AGK: variants seen among roughly 807,000 people sequenced by gnomAD.
AGK encodes the protein acylglycerol kinase, mitochondrial.
A neutral mutation model predicts 66.4 loss-of-function variants in AGK; 52 were observed. That is an observed-to-expected ratio of 0.78 (90% CI 0.63 to 0.99). AGK has a LOEUF of 0.99. AGK is among the 50% of genes least tolerant of loss of function. AGK has a pLI of 0.00. For synonymous variants in AGK, 182 were observed against 181.1 expected (o/e 1.00, Z -0.04); for missense variants, 451 against 506.6 (o/e 0.89, Z 1.05).
chr7:141,650,009 CAGGGCATCTG>C (rs1160452300), intron 14 of AGK, among the ~76,000 whole-genome samples: 1 of 152,254 alleles, frequency 6.6e-6, no homozygotes, highest in Non-Finnish European at 1.5e-5. Context: ...AATCCTCCTT[CAGGGCATCTG>C]AGGAGCTGGT....
intron 10 of AGK, among the ~76,000 whole-genome samples, chr7:141,634,695 G>C (rs921929350): frequency 5.9e-5 from 9 of 152,234 alleles, no homozygotes; most frequent in South Asian, 2.1e-4. Flanking sequence ...CTTCATACCT[G>C]GTGGTGGTAT....
intron 11 of AGK, among the ~76,000 whole-genome samples, chr7:141,639,097 G>A (rs959897642): frequency 1.3e-5 from 2 of 152,090 alleles, no homozygotes; most frequent in African/African-American, 4.8e-5. Context: ...AGAATTTCAA[G>A]AAAAAAGTAA....
At chr7:141,567,747 G>C (rs1387951782) in intron 2 of AGK, among the ~76,000 whole-genome samples, 1 of 152,226 alleles carries the variant, frequency 6.6e-6, no homozygotes, top group Non-Finnish European at 1.5e-5. Flanking sequence ...CAGTTTACCT[G>C]CAATAGTCTG....
chr7:141,599,577 A>G (rs1796299250), intron 4 of AGK, among the ~76,000 whole-genome samples: 1 of 152,178 alleles, frequency 6.6e-6, no homozygotes, highest in African/African-American at 2.4e-5. Context: ...AGGAGGTTAC[A>G]GATTTGTTGT....
chr7:141,589,749 G>A (rs570012514), intron 2 of AGK, among the ~76,000 whole-genome samples: 234 of 152,092 alleles, frequency 1.5e-3, no homozygotes, highest in African/African-American at 5.4e-3. Flanking sequence ...TAGTAGAGAC[G>A]GGGTTTCACC....
intron 15 of AGK, 157 bp from the exon 16 acceptor site, chr7:141,652,630 A>G: frequency 3.1e-6 from 2 of 641,684 alleles, no homozygotes; most frequent in East Asian, 2.6e-5. Context: ...CCATCGTAGT[A>G]GGCACTGAAT....
In AGK at chr7:141,651,579, A is replaced by G; in HGVS notation, c.1101A>G (p.Gln367=). 1.9e-6 allele frequency: 3 copies of G among 1,614,256 alleles called. No individual in the cohort carries two copies. The highest frequency in any genetic ancestry group is 1.3e-5 in the African/African-American group (1 of 75,078). The stretch of plus-strand genomic sequence containing the variant: ...ACGTGGAGGGCACGGAGTGTCTCCA[A>G]GCCAGCCAGTGCACTTTGCTTATCC... The part of the protein sequence containing the change: ...KLHVEGTECL[Q]ASQCTLLIPE... The change falls in exon 15 of 16, where the codon CAA becomes CAG. Residue 367 remains glutamine, a synonymous_variant. Coordinates refer to ENST00000649286, the MANE Select transcript of AGK (RefSeq NM_018238.4).
At chr7:141,616,999 C>T (rs143565433) in intron 8 of AGK, among the ~76,000 whole-genome samples, 2,083 of 152,084 alleles carry the variant, frequency 0.014, 62 homozygotes, top group African/African-American at 0.046. Context: ...CCTCGTGATC[C>T]GCCCGCCTCG....
intron 1 of AGK, among the ~76,000 whole-genome samples, chr7:141,553,958 G>A (rs1360610861): frequency 6.6e-6 from 1 of 151,764 alleles, no homozygotes; most frequent in Non-Finnish European, 1.5e-5. Flanking sequence ...TAGAAAATAA[G>A]TTCATTTTCA....
intron 9 of AGK, among the ~76,000 whole-genome samples, chr7:141,627,604 C>A (rs1796967590): frequency 6.6e-6 from 1 of 152,120 alleles, no homozygotes; most frequent in Non-Finnish European, 1.5e-5. Flanking sequence ...TTCACCATGA[C>A]CTCACTGATC....
chr7:141,554,077 C>T lies in AGK; in HGVS notation c.-14-1376C>T, dbSNP rs184799573. ...TTTTTGAGCCAGGTGCAGTGGCTCACGTCTGTAATCCCAGCAATTTGGATG... is the reference window on the plus strand; with the variant it reads ...TTTTTGAGCCAGGTGCAGTGGCTCATGTCTGTAATCCCAGCAATTTGGATG... On this transcript the variant is annotated intron_variant, in intron 1 of 15. Coordinates refer to ENST00000649286, the MANE Select transcript of AGK (RefSeq NM_018238.4). Among the ~76,000 whole-genome samples, 6 of 152,212 alleles carry T rather than the reference C, an allele frequency of 3.9e-5. No homozygotes were observed. The East Asian group carries it at 5.8e-4, about 15-fold the overall frequency.
chr7:141,648,210 TAAACTC>T (rs1420583576), intron 13 of AGK, among the ~76,000 whole-genome samples: 2 of 152,246 alleles, frequency 1.3e-5, no homozygotes, highest in Admixed American at 6.5e-5. Flanking sequence ...TATTTTCTAA[TAAACTC>T]TAATATAGTT....
At position 141,615,736 on chromosome 7, in the gene AGK, T is replaced by C. The variant is rs566028287; in HGVS notation, c.518+171T>C. 4.9e-6 allele frequency: 3 copies of C among 610,540 alleles called. No individual in the cohort carries two copies. In the African/African-American group the frequency reaches 5.6e-5, roughly 11 times the overall value. The allele number at this position is 610,540 out of a possible 1,614,324, so 37.8% of individuals were successfully genotyped here. A position where few individuals can be genotyped will look rare whatever the true frequency, so the allele number is the denominator to read the frequency against. Reference sequence around the variant, plus strand: ...TCAGTTCATTGGGAAGTCTCCCAACTTGGTTGTGGGACTCTTATAATAAGT... The same window carrying C: ...TCAGTTCATTGGGAAGTCTCCCAACCTGGTTGTGGGACTCTTATAATAAGT... On this transcript the variant is annotated intron_variant, in intron 8 of 15. Transcript: ENST00000649286.
intron 2 of AGK, among the ~76,000 whole-genome samples, chr7:141,558,338 G>A (rs1270234857): frequency 6.7e-6 from 1 of 149,260 alleles, no homozygotes; most frequent in African/African-American, 2.5e-5. Flanking sequence ...TCCATTTTTA[G>A]TAGAGATGGT....
chr7:141,632,238 A>AC (rs1274773392), intron 9 of AGK, among the ~76,000 whole-genome samples: 3 of 150,866 alleles, frequency 2.0e-5, no homozygotes, highest in Admixed American at 6.6e-5. Flanking sequence ...TCTAAAAAAA[A>AC]AAAAAACAAA....
At chr7:141,599,587 T>G (rs1796299421) in intron 4 of AGK, among the ~76,000 whole-genome samples, 1 of 152,188 alleles carries the variant, frequency 6.6e-6, no homozygotes, top group South Asian at 2.1e-4. Flanking sequence ...AGATTTGTTG[T>G]GATTGATATG....
chr7:141,627,085 C>A (rs761934374), intron 9 of AGK, among the ~76,000 whole-genome samples: 2 of 152,134 alleles, frequency 1.3e-5, no homozygotes, highest in Non-Finnish European at 2.9e-5. Context: ...TGGGTGAAAG[C>A]TATAAATGGT....
Position 141,633,950 on chromosome 7 carries a change from C to T in AGK, c.638C>T (p.Ser213Phe), listed in dbSNP as rs995345875. Reference sequence around the variant, plus strand: ...GCAATGACCGGCCTTCGATGGGGATCTTTCAGAGATGCTGGCGTCAAAGTT... The same window carrying T: ...GCAATGACCGGCCTTCGATGGGGATTTTTCAGAGATGCTGGCGTCAAAGTT... ...VFAMTGLRWG[S>F]FRDAGVKVSK... The change falls in exon 10 of 16, where the codon TCT becomes TTT. Residue 213 changes from serine to phenylalanine, a missense_variant. Coordinates refer to ENST00000649286, the MANE Select transcript of AGK (RefSeq NM_018238.4). The T allele has an allele frequency of 3.7e-6, 6 of 1,613,882 alleles. No individual in the cohort carries two copies. The highest frequency in any genetic ancestry group is 5.1e-6 in the Non-Finnish European group (6 of 1,179,908).
At chr7:141,641,431 C>T (rs771563602) in intron 12 of AGK, 33 bp downstream of exon 12, 4 of 1,597,002 alleles carry the variant, frequency 2.5e-6, no homozygotes, top group Non-Finnish European at 3.4e-6. Context: ...ATTGGAGGGC[C>T]CTGGTCAGTT....
Sources: allele counts gnomAD v4.1 joint callset (sites outside exome capture counted in the v4.1 genomes callset), GRCh38; gene constraint gnomAD v4.1.1; transcripts MANE v1.5; gene names NCBI Gene and HGNC (gene_info 2026-07-23, HGNC 2026-07-21).